The following CNTNAP5 variants were observed in gnomAD, a reference collection of about 807,000 sequenced individuals.
The protein encoded by CNTNAP5 is contactin-associated protein-like 5.
In CNTNAP5, 72 loss-of-function variants were observed where a neutral mutation model predicts 150.2. That is an observed-to-expected ratio of 0.48 (90% CI 0.40 to 0.58). The LOEUF is 0.58. Among genes scored for constraint, CNTNAP5 ranks in the 20% least tolerant of loss-of-function variants. The pLI is 0.00. For missense variants in CNTNAP5, 1,636 were observed against 1,626.2 expected, an observed-to-expected ratio of 1.01 and a Z score of -0.10; for synonymous variants, 672 against 619.8, an observed-to-expected ratio of 1.08 and a Z score of -1.25.
chr2:124,048,355 C>T (rs1216716027), intron 1 of CNTNAP5, among the ~76,000 whole-genome samples: 4 of 152,180 alleles, frequency 2.6e-5, no homozygotes, highest in African/African-American at 7.2e-5. Flanking sequence ...ATATTTTGAG[C>T]ACATTCTTGA....
intron 18 of CNTNAP5, among the ~76,000 whole-genome samples, chr2:124,790,351 C>T (rs1379874081): frequency 3.3e-5 from 5 of 152,268 alleles, no homozygotes; most frequent in African/African-American, 9.6e-5. Context: ...TGGATAATTA[C>T]AGGAAAACAC....
At chr2:124,789,055 T>A (rs1302506418) in intron 17 of CNTNAP5, among the ~76,000 whole-genome samples, 1 of 152,208 alleles carries the variant, frequency 6.6e-6, no homozygotes, top group Non-Finnish European at 1.5e-5. Context: ...GCAAGTGACA[T>A]GCGTTTGACT....
chr2:124,054,332 T>C (rs914161535), intron 1 of CNTNAP5, among the ~76,000 whole-genome samples: 4 of 152,102 alleles, frequency 2.6e-5, no homozygotes, highest in African/African-American at 7.2e-5. Flanking sequence ...AGGAATATGA[T>C]GGAAAAAATA....
At chr2:124,884,364 T>G (rs1186747201) in intron 21 of CNTNAP5, among the ~76,000 whole-genome samples, 1 of 152,098 alleles carries the variant, frequency 6.6e-6, no homozygotes, top group Non-Finnish European at 1.5e-5. Context: ...TATCTGGACA[T>G]GCATGTCCAT....
chr2:124,641,283 G>A (rs1413218340), intron 12 of CNTNAP5, among the ~76,000 whole-genome samples: 2 of 152,076 alleles, frequency 1.3e-5, no homozygotes, highest in Non-Finnish European at 2.9e-5. Flanking sequence ...CTGAGGCTGG[G>A]GGAGGTGATA....
chr2:124,549,700 C>T (rs934589359), intron 10 of CNTNAP5, among the ~76,000 whole-genome samples: 42 of 152,162 alleles, frequency 2.8e-4, no homozygotes, highest in African/African-American at 8.9e-4. Context: ...GATCTAGAAG[C>T]GTTCAAAAGT....
intron 13 of CNTNAP5, among the ~76,000 whole-genome samples, chr2:124,720,543 G>T (rs534467596): frequency 6.6e-6 from 1 of 152,192 alleles, no homozygotes; most frequent in South Asian, 2.1e-4. Flanking sequence ...AAATGACTCA[G>T]AAAATCACTT....
At chr2:124,207,983 A>G (rs944315703) in intron 1 of CNTNAP5, among the ~76,000 whole-genome samples, 4 of 152,172 alleles carry the variant, frequency 2.6e-5, no homozygotes, top group Non-Finnish European at 5.9e-5. Flanking sequence ...AAGAATCACA[A>G]TTGTAATTCA....
intron 16 of CNTNAP5, among the ~76,000 whole-genome samples, chr2:124,767,720 T>C (rs1210724019): frequency 1.3e-5 from 2 of 152,142 alleles, no homozygotes; most frequent in Non-Finnish European, 1.5e-5. Flanking sequence ...ACCACAAGAA[T>C]GGGAATTCAC....
At chr2:124,461,020 A>G (rs956316336) in intron 6 of CNTNAP5, among the ~76,000 whole-genome samples, 1 of 152,152 alleles carries the variant, frequency 6.6e-6, no homozygotes, top group African/African-American at 2.4e-5. Context: ...TAAAAAGTCA[A>G]GAAACAACAG....
intron 3 of CNTNAP5, among the ~76,000 whole-genome samples, chr2:124,243,858 T>G (rs1686948190): frequency 6.6e-6 from 1 of 152,182 alleles, no homozygotes; most frequent in African/African-American, 2.4e-5. Flanking sequence ...CTATTTTATT[T>G]TTTCTCAATT....
At chr2:124,877,770 G>T (rs1027067665) in intron 21 of CNTNAP5, among the ~76,000 whole-genome samples, 5 of 152,006 alleles carry the variant, frequency 3.3e-5, no homozygotes, top group Non-Finnish European at 5.9e-5. Context: ...TTTCTTCACT[G>T]TTACAAAATA....
chr2:124,233,718 C>T (rs1686679050), intron 2 of CNTNAP5, among the ~76,000 whole-genome samples: 1 of 151,702 alleles, frequency 6.6e-6, no homozygotes, highest in South Asian at 2.1e-4. Flanking sequence ...CTCTCTCTTT[C>T]ACAGTAATAC....
At chr2:124,487,647 A>G (rs1693917805) in intron 7 of CNTNAP5, among the ~76,000 whole-genome samples, 1 of 151,994 alleles carries the variant, frequency 6.6e-6, no homozygotes, top group Non-Finnish European at 1.5e-5. Context: ...GCTTGCCTAG[A>G]AGCTCATTTC....
chr2:124,902,767 T>G, intron 21 of CNTNAP5, 115 bp from the exon 22 acceptor site: 1 of 668,796 alleles, frequency 1.5e-6, no homozygotes, highest in Non-Finnish European at 2.4e-6. Context: ...TTTTCTTTAC[T>G]CAAACAATAA....
At chr2:124,254,888 T>C (rs13392083) in intron 3 of CNTNAP5, among the ~76,000 whole-genome samples, 1 of 152,318 alleles carries the variant, frequency 6.6e-6, no homozygotes, top group Admixed American at 6.5e-5. Flanking sequence ...TTTTGCAACT[T>C]GTCCTACCGC....
intron 11 of CNTNAP5, among the ~76,000 whole-genome samples, chr2:124,569,267 A>T (rs1696098858): frequency 6.6e-6 from 1 of 152,162 alleles, no homozygotes; most frequent in South Asian, 2.1e-4. Flanking sequence ...ATTATTGTTT[A>T]CTACAACTTG....
intron 3 of CNTNAP5, among the ~76,000 whole-genome samples, chr2:124,314,416 TTG>T (rs1216259458): frequency 1.3e-5 from 2 of 152,108 alleles, no homozygotes; most frequent in Non-Finnish European, 2.9e-5. Context: ...GACCCATATT[TTG>T]TCTTTGGGAG....
In CNTNAP5 at chr2:124,665,553, G is replaced by A. The variant is rs762116553; in HGVS notation, c.2077+17595G>A. ...GATTAGTCACAAAGCCCTCACATAC[G>A]TGTGGATAAAACTGTCTCCATATAT... On this transcript the variant is annotated intron_variant, in intron 13 of 23. Coordinates refer to ENST00000682447, the MANE Select transcript of CNTNAP5 (RefSeq NM_001367498.1). Among the ~76,000 whole-genome samples the A allele has an allele frequency of 8.6e-4, 131 of 152,210 alleles. 3 individuals are homozygous for A. The highest frequency in any genetic ancestry group is 3.4e-3 in the Middle Eastern group (1 of 294).
Sources: gnomAD v4.1 joint callset for allele counts (sites outside exome capture counted in the v4.1 genomes callset) on GRCh38, gnomAD v4.1.1 for gene constraint, MANE v1.5 for transcripts, NCBI Gene and HGNC (gene_info 2026-07-23, HGNC 2026-07-21) for gene names.